Variants in GJA1 observed in about 807,000 individuals in gnomAD.
GJA1 encodes the protein gap junction alpha-1 protein.
Under a neutral mutation model 31.0 loss-of-function variants are expected in GJA1, and 9 were observed. The observed-to-expected ratio is 0.29, with a 90% CI of 0.17 to 0.51. The LOEUF is 0.51. Among genes scored for constraint, GJA1 ranks in the 20% least tolerant of loss-of-function variants. GJA1 has a pLI of 0.98. For synonymous variants in GJA1, 186 were observed against 180.1 expected (o/e 1.03, Z -0.26); for missense variants, 278 against 468.8 (o/e 0.59, Z 3.76).
rs1253619344 is a variant in GJA1, at chr6:121,446,982, G to GGGAGATGA, written c.137_144dup (p.Gln49GlufsTer54). The GGGAGATGA allele has an allele frequency of 6.2e-7, 1 of 1,614,024 alleles. No individual in the cohort carries two copies. The highest frequency in any genetic ancestry group is 8.5e-7 in the Non-Finnish European group (1 of 1,179,996). Reference sequence around the variant, plus strand: ...TGGGGACAGCGGTTGAGTCAGCCTGGGGAGATGAGCAGTCTGCCTTTCGTT... The same window carrying GGGAGATGA: ...TGGGGACAGCGGTTGAGTCAGCCTGGGGAGATGAGGAGATGAGCAGTCTGCCTTTCGTT... On this transcript the variant is annotated frameshift_variant, in exon 2 of 2. Coordinates refer to ENST00000282561, the MANE Select transcript of GJA1 (RefSeq NM_000165.5). LOFTEE classifies it high-confidence loss of function.
chr6:121,444,410 A>G (rs1392376979), intron 1 of GJA1, among the ~76,000 whole-genome samples: 1 of 152,112 alleles, frequency 6.6e-6, no homozygotes, highest in Non-Finnish European at 1.5e-5. Context: ...TGTACCCATG[A>G]TACCGTGGTA....
chr6:121,441,447 C>G (rs1282710037), intron 1 of GJA1, among the ~76,000 whole-genome samples: 1 of 152,032 alleles, frequency 6.6e-6, no homozygotes, highest in Non-Finnish European at 1.5e-5. Flanking sequence ...TGTTCACATT[C>G]CAGTTAAGGA....
rs191185489 is a variant in GJA1 at position 121,446,567 on chromosome 6, A to G, written c.-16-265A>G. 4.9e-4 allele frequency among the ~76,000 whole-genome samples: 75 copies of G among 152,318 alleles called. 1 individual carries two copies. The highest frequency in any genetic ancestry group is 1.7e-3 in the African/African-American group (72 of 41,580). ...GCAAGGCAGTGGTTGAGCAAGCAAT[A>G]CACCTTCCCAGGTTAAAGACTGCAA... On this transcript the variant is annotated intron_variant, in intron 1 of 1. Transcript: ENST00000282561.
chr6:121,442,857 G>T (rs1562172640), intron 1 of GJA1, among the ~76,000 whole-genome samples: 3 of 152,142 alleles, frequency 2.0e-5, no homozygotes, highest in African/African-American at 7.2e-5. Context: ...ATGGTGCATA[G>T]ACGGCAAAAA....
At chr6:121,441,245 C>T (rs1773775756) in intron 1 of GJA1, among the ~76,000 whole-genome samples, 1 of 152,130 alleles carries the variant, frequency 6.6e-6, no homozygotes, top group Non-Finnish European at 1.5e-5. Flanking sequence ...AGCCACCGCA[C>T]CCGGTCTACT....
intron 1 of GJA1, among the ~76,000 whole-genome samples, chr6:121,437,999 C>T (rs575652598): frequency 2.6e-5 from 4 of 152,086 alleles, no homozygotes; most frequent in Non-Finnish European, 5.9e-5. Context: ...CCCCTCCCCC[C>T]CGCGCCAGGA....
chr6:121,449,305 A>G lies in GJA1; in HGVS notation c.*1309A>G, dbSNP rs1218896734. The G allele has an allele frequency of 6.0e-6, 1 of 167,140 alleles. No individual in the cohort carries two copies. Among genetic ancestry groups the G allele is most frequent in the African/African-American group, 2.4e-5 (1 of 41,478 alleles). The allele number at this position is 167,140 out of a possible 1,614,324, so 10.4% of individuals were successfully genotyped here. A position where few individuals can be genotyped will look rare whatever the true frequency, so the allele number is the denominator to read the frequency against. ...ATTCTTGGGTTTTCCTACTTAATAC[A>G]CAGTAATTCAGAACTTGTATTCTAT... On this transcript the variant is annotated 3_prime_UTR_variant, in exon 2 of 2. Transcript: ENST00000282561.
chr6:121,442,598 C>T (rs1773812959), intron 1 of GJA1, among the ~76,000 whole-genome samples: 1 of 152,116 alleles, frequency 6.6e-6, no homozygotes, highest in Admixed American at 6.5e-5. Flanking sequence ...CAAGAAAGGG[C>T]CAGAAATGTC....
rs749848582 is a variant in GJA1 at position 121,447,375 on chromosome 6, C to G, written c.528C>G (p.Ile176Met). 3 of 1,614,076 alleles carry G rather than the reference C, an allele frequency of 1.9e-6. No individual in the cohort carries two copies. The highest frequency in any genetic ancestry group is 1.7e-5 in the Admixed American group (1 of 60,008). Residue 176 changes from isoleucine to methionine, a missense_variant, in exon 2 of 2, where the codon ATC becomes ATG. Physicochemically the swap from Ile to Met is conservative, Grantham distance 10. Around this residue, in one of 3 missense-constraint regions of GJA1, gnomAD observed 80 missense variants for 163.5 expected, o/e 0.49. Transcript: ENST00000282561. ...CCTTCTTGCTGATCCAGTGGTACAT[C>G]TATGGATTCAGCTTGAGTGCTGTTT... The part of the protein sequence containing the change: ...EVAFLLIQWY[I>M]YGFSLSAVYT...
At chr6:121,438,284 C>T (rs1163907067) in intron 1 of GJA1, among the ~76,000 whole-genome samples, 1 of 152,150 alleles carries the variant, frequency 6.6e-6, no homozygotes, top group African/African-American at 2.4e-5. Flanking sequence ...TTTCTAATGC[C>T]TTCTGAGGGT....
chr6:121,447,606 G>C lies in GJA1; in HGVS notation c.759G>C (p.Ala253=), dbSNP rs767327649. The change falls in exon 2 of 2, where the codon GCG becomes GCC. Residue 253 remains alanine, a synonymous_variant. Transcript: ENST00000282561. ...KSDPYHATSG[A]LSPAKDCGSQ... The stretch of plus-strand genomic sequence containing the variant: ...ACCCTTACCATGCGACCAGTGGTGC[G>C]CTGAGCCCTGCCAAAGACTGTGGGT... The C allele has an allele frequency of 6.2e-7, 1 of 1,613,876 alleles. No homozygotes were observed. The highest frequency in any genetic ancestry group is 1.1e-5 in the South Asian group (1 of 91,054).
chr6:121,439,883 C>A (rs541206719), intron 1 of GJA1, among the ~76,000 whole-genome samples: 1 of 152,088 alleles, frequency 6.6e-6, no homozygotes, highest in Non-Finnish European at 1.5e-5. Context: ...TATAGTTAGG[C>A]CATCTAGGTA....
intron 1 of GJA1, among the ~76,000 whole-genome samples, chr6:121,441,222 G>A (rs926258356): frequency 1.3e-5 from 2 of 151,934 alleles, no homozygotes; most frequent in African/African-American, 4.8e-5. Context: ...AAAGTGCTGG[G>A]ACTACAGGCT....
intron 1 of GJA1, among the ~76,000 whole-genome samples, chr6:121,442,652 C>T (rs951799735): frequency 1.3e-5 from 2 of 152,190 alleles, no homozygotes; most frequent in African/African-American, 4.8e-5. Flanking sequence ...TCCTAGGCCC[C>T]ACCTCCAGAA....
At chr6:121,440,944 TTGTC>T in intron 1 of GJA1, among the ~76,000 whole-genome samples, 1 of 146,332 alleles carries the variant, frequency 6.8e-6, no homozygotes, top group African/African-American at 2.6e-5. Context: ...TTGTTGTTGT[TTGTC>T]GTTTTTTTCT....
intron 1 of GJA1, among the ~76,000 whole-genome samples, chr6:121,446,170 C>T (rs1306320192): frequency 6.6e-6 from 1 of 152,038 alleles, no homozygotes; most frequent in Non-Finnish European, 1.5e-5. Context: ...TGGCACATGC[C>T]TGTAATCCCA....
At position 121,445,392 on chromosome 6, in the gene GJA1, G is replaced by A. The variant is rs947023926; in HGVS notation, c.-16-1440G>A. 3.5e-4 allele frequency among the ~76,000 whole-genome samples: 54 copies of A among 152,200 alleles called. 1 individual carries two copies. Among genetic ancestry groups the A allele is most frequent in the African/African-American group, 9.6e-4 (40 of 41,536 alleles). ...AATCTCCTGACCTCATGATCCACCC[G>A]CCTCCCAAAGTGCTTATAGGCGTGA... On this transcript the variant is annotated intron_variant, in intron 1 of 1. Coordinates refer to ENST00000282561, the MANE Select transcript of GJA1 (RefSeq NM_000165.5).
intron 1 of GJA1, among the ~76,000 whole-genome samples, chr6:121,444,934 A>G (rs915120399): frequency 6.6e-6 from 1 of 152,220 alleles, no homozygotes; most frequent in Non-Finnish European, 1.5e-5. Context: ...AAACATTTCT[A>G]GCTTTAGCGC....
At chr6:121,444,654 TTA>T (rs1190852314) in intron 1 of GJA1, among the ~76,000 whole-genome samples, 3 of 152,226 alleles carry the variant, frequency 2.0e-5, no homozygotes, top group Non-Finnish European at 4.4e-5. Flanking sequence ...AGAAACTCCT[TTA>T]TATTCAGATA....
Sources: allele counts gnomAD v4.1 joint callset (sites outside exome capture counted in the v4.1 genomes callset), GRCh38; gene constraint gnomAD v4.1.1; regional missense constraint gnomAD v4.1.1; transcripts MANE v1.5; gene names NCBI Gene and HGNC (gene_info 2026-07-23, HGNC 2026-07-21).